The following UGT2B11 variants were observed in gnomAD, a reference collection of about 807,000 sequenced individuals.
UGT2B11 encodes UDP-glucuronosyltransferase 2B11.
UGT2B11 carries 49 observed loss-of-function variants against 51.7 expected under a neutral mutation model. The ratio of observed to expected loss-of-function variants is 0.95; its 90% CI spans 0.75 to 1.20. UGT2B11 has a LOEUF of 1.20. UGT2B11 is among the 50% of genes most tolerant of loss of function. UGT2B11 has a pLI of 0.00. For missense variants in UGT2B11, 810 were observed against 622.1 expected, an observed-to-expected ratio of 1.30 and a Z score of -3.21; for synonymous variants, 273 against 209.0, an observed-to-expected ratio of 1.31 and a Z score of -2.64.
chr4:69,217,040 T>G (rs776898229), upstream of UGT2B11, among the ~76,000 whole-genome samples: 1 of 152,162 alleles, frequency 6.6e-6, no homozygotes, highest in Non-Finnish European at 1.5e-5. Context: ...TTCATTTTCT[T>G]TTTATCCAAA....
At chr4:69,211,220 C>G (rs1223227703) in intron 2 of UGT2B11, 2 of 151,448 alleles carry the variant, frequency 1.3e-5, no homozygotes, top group East Asian at 3.9e-4. Context: ...TTGTTAAAGT[C>G]AAGTGAACCC....
At chr4:69,211,119 C>A (rs189265022) in intron 2 of UGT2B11, 1 of 151,668 alleles carries the variant, frequency 6.6e-6, no homozygotes, top group African/African-American at 2.4e-5. Context: ...ATTTGCTTGT[C>A]ATAAGGCAGA....
chr4:69,210,441 T>A (rs566130821), intron 2 of UGT2B11, among the ~76,000 whole-genome samples: 2 of 151,650 alleles, frequency 1.3e-5, no homozygotes, highest in Admixed American at 6.6e-5. Context: ...TTGAAAAGAA[T>A]GCAACCTGGG....
chr4:69,211,370 T>C (rs1295251496), intron 2 of UGT2B11, among the ~76,000 whole-genome samples: 1 of 151,508 alleles, frequency 6.6e-6, no homozygotes, highest in East Asian at 1.9e-4. Flanking sequence ...ACAATTGGTA[T>C]GTATAATTTT....
the UGT2B11 span, among the ~76,000 whole-genome samples, chr4:69,222,286 A>G: frequency 6.6e-6 from 1 of 152,384 alleles, no homozygotes; most frequent in African/African-American, 2.4e-5. Context: ...TTGGCCTTCA[A>G]CGGAATCTGG....
At chr4:69,205,657 A>T (rs1721825405) in intron 3 of UGT2B11, 90 bp from the exon 4 acceptor site, 1 of 1,369,840 alleles carries the variant, frequency 7.3e-7, no homozygotes, top group Non-Finnish European at 1.0e-6. Flanking sequence ...AATGAGATCA[A>T]GGGATGTTAG....
intron 3 of UGT2B11, 107 bp downstream of exon 3, chr4:69,208,244 T>A (rs1721930446): frequency 5.1e-6 from 8 of 1,557,946 alleles, no homozygotes; most frequent in South Asian, 1.2e-5. Flanking sequence ...AAGGATGTAT[T>A]TGGATGTAAA....
At chr4:69,224,419 C>T in the UGT2B11 span, among the ~76,000 whole-genome samples, 1 of 152,106 alleles carries the variant, frequency 6.6e-6, no homozygotes, top group East Asian at 1.9e-4. Context: ...GACTTACCAA[C>T]ATTCCCAGAC....
rs769884784 is a variant in UGT2B11, at chr4:69,214,683, G to A, written c.40C>T (p.Leu14Phe). 1.9e-6 allele frequency: 3 copies of A among 1,612,838 alleles called. No individual in the cohort carries two copies. Among genetic ancestry groups the A allele is most frequent in the East Asian group, 2.2e-5 (1 of 44,822 alleles). Reference protein sequence around the residue: ...KWTSVLLLIHLSCYFSSGSCG... With the variant: ...KWTSVLLLIHFSCYFSSGSCG... ...CTCCCAGAGCTAAAGTAACAACTGAGATGTATCAGCAGAAGAACTGAAGTC... is the reference window on the plus strand; with the variant it reads ...CTCCCAGAGCTAAAGTAACAACTGAAATGTATCAGCAGAAGAACTGAAGTC... The change falls in exon 1 of 6, where the codon CTC becomes TTC. Residue 14 changes from leucine to phenylalanine, a missense_variant. By Grantham distance (22) the Leu-to-Phe change is conservative. Transcript: ENST00000446444.
At chr4:69,214,753 C>G (rs1417859715), upstream of UGT2B11, 1 of 1,600,074 alleles carries the variant, frequency 6.2e-7, no homozygotes, top group African/African-American at 1.3e-5. Context: ...CTTTTCCAGT[C>G]ACTGTTTCTT....
rs745833073 is a variant in UGT2B11 at position 69,214,470 on chromosome 4, C to T, written c.253G>A (p.Glu85Lys). The T allele has an allele frequency of 5.0e-6, 8 of 1,613,002 alleles. No homozygotes were observed. The highest frequency in any genetic ancestry group is 6.8e-6 in the Non-Finnish European group (8 of 1,179,488). Reference protein sequence around the residue: ...EVYPTSLTKTEFENIIMQQVK... With the variant: ...EVYPTSLTKTKFENIIMQQVK... Reference sequence around the variant, plus strand: ...TGTTGCATGATGATATTCTCAAATTCAGTTTTAGTTAAAGATGTAGGATAA... The same window carrying T: ...TGTTGCATGATGATATTCTCAAATTTAGTTTTAGTTAAAGATGTAGGATAA... Residue 85 changes from glutamate to lysine, a missense_variant, in exon 1 of 6, where the codon GAA (glutamate) becomes AAA (lysine). Glu to Lys is a moderately conservative substitution (Grantham distance 56). Coordinates refer to ENST00000446444, the MANE Select transcript of UGT2B11 (RefSeq NM_001073.3).
At chr4:69,209,946 A>G (rs909669721) in intron 2 of UGT2B11, among the ~76,000 whole-genome samples, 5 of 151,628 alleles carry the variant, frequency 3.3e-5, no homozygotes, top group African/African-American at 1.2e-4. Flanking sequence ...TTTAAAAAAT[A>G]ATTTTTCTAA....
chr4:69,210,383 C>T (rs1283148047), intron 2 of UGT2B11, among the ~76,000 whole-genome samples: 2 of 151,448 alleles, frequency 1.3e-5, no homozygotes, highest in African/African-American at 4.8e-5. Context: ...TGTCAAGTGT[C>T]TTATTCTCTT....
At chr4:69,217,355 G>A (rs1404358090), upstream of UGT2B11, among the ~76,000 whole-genome samples, 2 of 152,164 alleles carry the variant, frequency 1.3e-5, no homozygotes, top group Non-Finnish European at 2.9e-5. Context: ...AACCTGAAAT[G>A]AGATAAGTCT....
rs1299184178 is a variant in UGT2B11, at chr4:69,200,158, A to G, written c.*282T>C. The G allele has an allele frequency of 1.5e-5, 4 of 261,646 alleles. No individual in the cohort carries two copies. Among genetic ancestry groups the G allele is most frequent in the Non-Finnish European group, 2.7e-5 (4 of 147,690 alleles). The allele number at this position is 261,646 out of a possible 1,614,324, so 16.2% of individuals were successfully genotyped here. On this transcript the variant is annotated 3_prime_UTR_variant, in exon 6 of 6. Transcript: ENST00000446444. ...GTGAATTCAAACAACAAATCTCAAT[A>G]TAAGTGCAACAAATTTCAATATGAG...
At chr4:69,202,576 C>T (rs957023553) in intron 5 of UGT2B11, among the ~76,000 whole-genome samples, 6 of 151,550 alleles carry the variant, frequency 4.0e-5, no homozygotes, top group Non-Finnish European at 5.9e-5. Context: ...TTGATATATA[C>T]AATACATACA....
intron 4 of UGT2B11, among the ~76,000 whole-genome samples, chr4:69,204,903 T>A (rs956554055): frequency 1.3e-5 from 2 of 151,662 alleles, no homozygotes; most frequent in Admixed American, 6.6e-5. Context: ...CTAGATTTTT[T>A]AAATGTGCAC....
intron 2 of UGT2B11, chr4:69,210,929 CA>C (rs997488371): frequency 6.6e-6 from 1 of 151,526 alleles, no homozygotes; most frequent in Admixed American, 6.6e-5. Flanking sequence ...TGTGTTCCTT[CA>C]AAAAGAATAT....
intron 3 of UGT2B11, among the ~76,000 whole-genome samples, chr4:69,206,476 G>A (rs1721861598): frequency 6.6e-6 from 1 of 151,454 alleles, no homozygotes; most frequent in Non-Finnish European, 1.5e-5. Flanking sequence ...TGTATTGGAG[G>A]GTGGAGGGTG....
Sources: allele counts gnomAD v4.1 joint callset (sites outside exome capture counted in the v4.1 genomes callset), GRCh38; gene constraint gnomAD v4.1.1; transcripts MANE v1.5; gene names NCBI Gene and HGNC (gene_info 2026-07-23, HGNC 2026-07-21).